Variants in NDUFA10 observed in about 807,000 individuals in gnomAD.
NDUFA10 encodes NADH dehydrogenase [ubiquinone] 1 alpha subcomplex subunit 10, mitochondrial.
Under a neutral mutation model 47.8 loss-of-function variants are expected in NDUFA10, and 40 were observed. That is an observed-to-expected ratio of 0.84 (90% CI 0.65 to 1.09). The LOEUF (loss-of-function observed/expected upper bound fraction) is 1.09. Among genes scored for constraint, NDUFA10 ranks in the 50% least tolerant of loss-of-function variants. NDUFA10 has a pLI of 0.00. For synonymous variants in NDUFA10, 183 were observed against 172.2 expected, an observed-to-expected ratio of 1.06 and a Z score of -0.49; for missense variants, 413 against 451.1, an observed-to-expected ratio of 0.92 and a Z score of 0.76.
At chr2:239,936,521 C>T (rs988051397) in intron 4 of NDUFA10, among the ~76,000 whole-genome samples, 3 of 152,086 alleles carry the variant, frequency 2.0e-5, no homozygotes, top group African/African-American at 4.8e-5. Flanking sequence ...TGGGGGATGA[C>T]GACGGGTCAG....
At chr2:239,953,703 G>T (rs758016298), downstream of NDUFA10, among the ~76,000 whole-genome samples, 1 of 100,114 alleles carries the variant, frequency 1.0e-5, no homozygotes, top group African/African-American at 4.7e-5. Flanking sequence ...CACCGCGAAC[G>T]TAAGTAGCGG....
At chr2:239,995,553 C>T (rs1696438920) in intron 8 of NDUFA10, among the ~76,000 whole-genome samples, 1 of 152,146 alleles carries the variant, frequency 6.6e-6, no homozygotes, top group Admixed American at 6.5e-5. Context: ...GGAGAAACAA[C>T]AAATGCAGCA....
intron 4 of NDUFA10, among the ~76,000 whole-genome samples, chr2:239,946,296 A>G (rs1210079332): frequency 6.6e-6 from 1 of 152,202 alleles, no homozygotes; most frequent in Non-Finnish European, 1.5e-5. Context: ...CCCCAGCCCC[A>G]GCAGACGGGG....
At chr2:239,898,914 G>A (rs1409556511) in intron 4 of NDUFA10, among the ~76,000 whole-genome samples, 1 of 151,780 alleles carries the variant, frequency 6.6e-6, no homozygotes, top group Non-Finnish European at 1.5e-5. Flanking sequence ...GGGAGTGATG[G>A]AAGGTTGTGA....
chr2:239,970,813 C>T (rs1462809269), intron 9 of NDUFA10, among the ~76,000 whole-genome samples: 1 of 152,184 alleles, frequency 6.6e-6, no homozygotes, highest in Non-Finnish European at 1.5e-5. Context: ...AATTACAGTA[C>T]ATAACCATTC....
In NDUFA10 at chr2:240,014,778, G is replaced by T. The variant is rs148656779; in HGVS notation, c.630C>A (p.Pro210=). 6.2e-7 allele frequency: 1 copy of T among 1,614,182 alleles called. No individual in the cohort carries two copies. Among genetic ancestry groups the T allele is most frequent in the Non-Finnish European group, 8.5e-7 (1 of 1,180,018 alleles). ...PPHLVIYIDV[P]VPEVQRRIQK... is the part of the protein sequence containing the mutation. ...GAATCCGCCTCTGGACCTCTGGAAC[G>T]GGCACATCGATGTAAATCACCAGGT... The change falls in exon 5 of 10, where the codon CCC becomes CCA. Residue 210 remains proline, a synonymous_variant. Coordinates refer to ENST00000252711, the MANE Select transcript of NDUFA10 (RefSeq NM_004544.4).
chr2:239,931,054 G>A (rs183841739), intron 4 of NDUFA10, among the ~76,000 whole-genome samples: 48 of 152,288 alleles, frequency 3.2e-4, no homozygotes, highest in African/African-American at 5.8e-4. Context: ...TGGGAGCCTC[G>A]GAGGGTTTTG....
intron 2 of NDUFA10, 123 bp downstream of exon 2, chr2:240,022,049 C>T: frequency 1.3e-6 from 1 of 762,950 alleles, no homozygotes; most frequent in Non-Finnish European, 1.8e-6. Flanking sequence ...TGTGAAATAC[C>T]CACCTTAGGC....
intron 4 of NDUFA10, among the ~76,000 whole-genome samples, chr2:239,914,416 TACAGACACAC>T (rs1314465673): frequency 8.3e-6 from 1 of 120,208 alleles, no homozygotes; most frequent in East Asian, 2.5e-4. Context: ...CACACAAATA[TACAGACACAC>T]ACAGAGACAC....
rs150939915 is a variant in NDUFA10, at chr2:239,964,988, T to C, written c.1000-3802A>G. On this transcript the variant is annotated intron_variant, in intron 9 of 9. Coordinates refer to ENST00000252711, the MANE Select transcript of NDUFA10 (RefSeq NM_004544.4). Reference sequence around the variant, plus strand: ...GGTCAGCTTCCCCAGGGTTTTTCAATTAAAGTTGTCATTTAATGTTTTACC... The same window carrying C: ...GGTCAGCTTCCCCAGGGTTTTTCAACTAAAGTTGTCATTTAATGTTTTACC... Among the ~76,000 whole-genome samples, 902 of 152,202 alleles carry C rather than the reference T, an allele frequency of 5.9e-3. 5 individuals are homozygous for C. Among genetic ancestry groups the C allele is most frequent in the African/African-American group, 0.021 (859 of 41,502 alleles).
rs1016138104 is a variant in NDUFA10, at chr2:240,003,426, C to T, written c.890+1784G>A. ...GGCCATCCTTGTGCCTCCAGGCCCTCGAGAGGCAAAGTGTTGGTGCAGTCT... is the reference window on the plus strand; with the variant it reads ...GGCCATCCTTGTGCCTCCAGGCCCTTGAGAGGCAAAGTGTTGGTGCAGTCT... On this transcript the variant is annotated intron_variant, in intron 8 of 9. Coordinates refer to ENST00000252711, the MANE Select transcript of NDUFA10 (RefSeq NM_004544.4). Among the ~76,000 whole-genome samples, 6 of 152,168 alleles carry T rather than the reference C, an allele frequency of 3.9e-5. No individual in the cohort carries two copies. The East Asian group carries it at 7.7e-4, about 20-fold the overall frequency.
At chr2:239,903,546 G>T (rs1693592666) in intron 4 of NDUFA10, among the ~76,000 whole-genome samples, 1 of 152,228 alleles carries the variant, frequency 6.6e-6, no homozygotes, top group African/African-American at 2.4e-5. Context: ...CATAAGGCGT[G>T]AGCATGCCTG....
rs373146768 is a variant in NDUFA10 at position 240,022,219 on chromosome 2, A to G, written c.197T>C (p.Ile66Thr). The change falls in exon 2 of 10, where the codon ATA (isoleucine) becomes ACA (threonine). Residue 66 changes from isoleucine (I) to threonine (T), a missense_variant. Transcript: ENST00000252711. ...TGCAAGTTTGCCTTTTCCAGTACAT[A>G]TATTGCCATCTACAGTTATCACTCT... is the stretch of plus-strand genomic sequence containing the variant. Reference protein sequence around the residue: ...RSRVITVDGNICTGKGKLAKE... With the variant: ...RSRVITVDGNTCTGKGKLAKE... The G allele has an allele frequency of 1.2e-6, 2 of 1,614,082 alleles. No individual in the cohort carries two copies. The highest frequency in any genetic ancestry group is 8.5e-7 in the Non-Finnish European group (1 of 1,180,010).
chr2:239,895,238 A>G (rs1191920112), exon 5 of NDUFA10: 7 of 469,044 alleles, frequency 1.5e-5, no homozygotes, highest in South Asian at 1.1e-4. Context: ...TTCTCCACAC[A>G]CAGACCATTC....
rs1387576710 is a variant in NDUFA10 at position 239,948,875 on chromosome 2, G to A, written c.294+41199C>T. Among the ~76,000 whole-genome samples, 6 of 152,224 alleles carry A rather than the reference G, an allele frequency of 3.9e-5. No homozygotes were observed. The East Asian group carries it at 1.2e-3, about 29-fold the overall frequency. ...GAGGCCTGTGTATTTATTTTGCAGG[G>A]AACAGTTCACACAAAGATAAAGCGT... On this transcript the variant is annotated intron_variant, in intron 4 of 5. Transcript: ENST00000419408.
intron 9 of NDUFA10, chr2:239,982,169 A>C (rs1695804056): frequency 6.2e-7 from 1 of 1,612,794 alleles, no homozygotes; most frequent in Non-Finnish European, 8.5e-7. Context: ...GAAGCACTTC[A>C]GGACCCTCTC....
intron 4 of NDUFA10, among the ~76,000 whole-genome samples, chr2:239,902,868 G>A (rs1325763159): frequency 1.3e-5 from 2 of 152,036 alleles, no homozygotes; most frequent in Non-Finnish European, 2.9e-5. Flanking sequence ...CCTGCGGAAG[G>A]GGGCTGGGCT....
At chr2:239,937,574 C>T (rs958275418) in intron 4 of NDUFA10, among the ~76,000 whole-genome samples, 13 of 152,176 alleles carry the variant, frequency 8.5e-5, no homozygotes, top group African/African-American at 2.4e-4. Context: ...CACCACAGTC[C>T]GCTCATCCAG....
intron 9 of NDUFA10, chr2:239,983,583 G>C: frequency 1.3e-6 from 2 of 1,596,166 alleles, no homozygotes; most frequent in Non-Finnish European, 1.7e-6. Flanking sequence ...GCAGCTTCCA[G>C]TGGAGACCCA....
Sources: gnomAD v4.1 joint callset for allele counts (sites outside exome capture counted in the v4.1 genomes callset) on GRCh38, gnomAD v4.1.1 for gene constraint, MANE v1.5 for transcripts, NCBI Gene and HGNC (gene_info 2026-07-23, HGNC 2026-07-21) for gene names.